Variants in ATP10B observed in about 807,000 individuals in gnomAD.
ATP10B encodes ATPase phospholipid transporting 10B (putative), also known as phospholipid-transporting ATPase VB.
Under a neutral mutation model 141.2 loss-of-function variants are expected in ATP10B, and 122 were observed. That is an observed-to-expected ratio of 0.86 (90% CI 0.75 to 1.00). The LOEUF is 1.00. ATP10B is among the 50% of genes least tolerant of loss of function. The pLI, the probability that ATP10B is intolerant of heterozygous loss-of-function variation, is 0.00. For missense variants in ATP10B, 1,876 were observed against 1,825.3 expected, an observed-to-expected ratio of 1.03 and a Z score of -0.51; for synonymous variants, 685 against 692.0, an observed-to-expected ratio of 0.99 and a Z score of 0.16.
At chr5:160,785,517 G>T (rs1014800662) in intron 2 of ATP10B, 42 bp downstream of exon 2, 1 of 472,134 alleles carries the variant, frequency 2.1e-6, no homozygotes, top group Non-Finnish European at 4.1e-6. Context: ...GCTGAGGTTT[G>T]GGCTTCTAAT....
intron 2 of ATP10B, among the ~76,000 whole-genome samples, chr5:160,744,100 G>A (rs1400264939): frequency 6.6e-6 from 1 of 152,028 alleles, no homozygotes; most frequent in Non-Finnish European, 1.5e-5. Flanking sequence ...GCTCAAGAGA[G>A]GTTTAATTTA....
chr5:160,641,379 C>T (rs1759852278), intron 9 of ATP10B, among the ~76,000 whole-genome samples: 1 of 152,190 alleles, frequency 6.6e-6, no homozygotes, highest in Non-Finnish European at 1.5e-5. Context: ...GTCCCCACCC[C>T]AGCACTAACC....
chr5:160,882,447 A>C, the ATP10B span, among the ~76,000 whole-genome samples: 1 of 152,084 alleles, frequency 6.6e-6, no homozygotes, highest in African/African-American at 2.4e-5. Context: ...TTAAATTTAA[A>C]AATTTTATTT....
At chr5:160,744,890 T>C (rs1698360915) in intron 2 of ATP10B, among the ~76,000 whole-genome samples, 1 of 152,228 alleles carries the variant, frequency 6.6e-6, no homozygotes, top group South Asian at 2.1e-4. Context: ...TGGAATCAGC[T>C]GTTTCTCATG....
At chr5:160,925,858 C>A in the ATP10B span, among the ~76,000 whole-genome samples, 27 of 152,098 alleles carry the variant, frequency 1.8e-4, no homozygotes, top group African/African-American at 6.5e-4. Context: ...GTAAACAAGA[C>A]AAGTGGACAA....
At chr5:160,784,384 T>A (rs1770979667) in intron 2 of ATP10B, among the ~76,000 whole-genome samples, 2 of 152,216 alleles carry the variant, frequency 1.3e-5, no homozygotes, top group African/African-American at 2.4e-5. Flanking sequence ...TCTAAAAAAC[T>A]AATTTTTAGC....
At chr5:160,715,866 A>G (rs1333316589) in intron 3 of ATP10B, among the ~76,000 whole-genome samples, 2 of 151,904 alleles carry the variant, frequency 1.3e-5, no homozygotes, top group Non-Finnish European at 2.9e-5. Flanking sequence ...GCCTACCACT[A>G]CGCCTGGCTA....
chr5:160,739,063 A>G (rs527477981), intron 2 of ATP10B, among the ~76,000 whole-genome samples: 79 of 152,346 alleles, frequency 5.2e-4, no homozygotes, highest in African/African-American at 1.9e-3. Flanking sequence ...TTAACTCATC[A>G]TATTAATAAC....
intron 1 of ATP10B, among the ~76,000 whole-genome samples, chr5:160,828,830 G>T (rs1279983767): frequency 2.0e-5 from 3 of 151,026 alleles, no homozygotes; most frequent in East Asian, 3.9e-4. Flanking sequence ...ATGATAGACT[G>T]GATTAAGAAA....
chr5:160,791,686 A>G (rs1771583943), intron 1 of ATP10B, among the ~76,000 whole-genome samples: 1 of 152,206 alleles, frequency 6.6e-6, no homozygotes, highest in Non-Finnish European at 1.5e-5. Context: ...CTGTTGCCTT[A>G]GGAATACTTC....
chr5:160,808,567 C>T (rs1309798036), intron 1 of ATP10B, among the ~76,000 whole-genome samples: 2 of 152,146 alleles, frequency 1.3e-5, no homozygotes. Context: ...TTTAAATAAA[C>T]CTTTCCCTAC....
intron 1 of ATP10B, among the ~76,000 whole-genome samples, chr5:160,794,223 A>G (rs1452652273): frequency 1.3e-5 from 2 of 152,150 alleles, no homozygotes; most frequent in African/African-American, 4.8e-5. Flanking sequence ...GCTTGTAAGG[A>G]TCAGGGGAGC....
At chr5:160,878,138 C>T in the ATP10B span, among the ~76,000 whole-genome samples, 1 of 150,040 alleles carries the variant, frequency 6.7e-6, no homozygotes. Flanking sequence ...AACTATACTA[C>T]AAGGCTACAG....
chr5:160,685,857 C>T (rs1763717622), intron 6 of ATP10B, among the ~76,000 whole-genome samples: 1 of 151,988 alleles, frequency 6.6e-6, no homozygotes. Flanking sequence ...CGGATTTTAC[C>T]CACTAGATGT....
In ATP10B at chr5:160,785,776, C is replaced by T. The variant is rs994691740; in HGVS notation, c.-548G>A. 2.6e-5 allele frequency: 24 copies of T among 917,998 alleles called. No homozygotes were observed. The highest frequency in any genetic ancestry group is 1.2e-4 in the South Asian group (7 of 59,352). The allele number at this position is 917,998 out of a possible 1,614,324, so 56.9% of individuals were successfully genotyped here. A position where few individuals can be genotyped will look rare whatever the true frequency, so the allele number is the denominator to read the frequency against. On this transcript the variant is annotated 5_prime_UTR_variant, in exon 2 of 26. Coordinates refer to ENST00000327245, the MANE Select transcript of ATP10B (RefSeq NM_025153.3). ...TTTCATTGAAACAAATGTCACCAGTCGGTTCTGATTCTCTTGTCAAAGGAA... is the reference window on the plus strand; with the variant it reads ...TTTCATTGAAACAAATGTCACCAGTTGGTTCTGATTCTCTTGTCAAAGGAA...
intron 1 of ATP10B, among the ~76,000 whole-genome samples, chr5:160,827,618 G>T (rs933157742): frequency 6.6e-6 from 1 of 151,976 alleles, no homozygotes; most frequent in African/African-American, 2.4e-5. Flanking sequence ...TGTTGCAATG[G>T]CTTTTGGGGA....
Position 160,640,451 on chromosome 5 carries a change from C to T in ATP10B, c.1000+10G>A, listed in dbSNP as rs1273625465. ...TACTGTGTCCTTGTTCTTTCCAGAACATCCCATACCTACAGCTCCAATAAG... is the reference window on the plus strand; with the variant it reads ...TACTGTGTCCTTGTTCTTTCCAGAATATCCCATACCTACAGCTCCAATAAG... On this transcript the variant is annotated intron_variant, in intron 10 of 25. Coordinates refer to ENST00000327245, the MANE Select transcript of ATP10B (RefSeq NM_025153.3). The T allele has an allele frequency of 6.2e-7, 1 of 1,613,114 alleles. No homozygotes were observed. The highest frequency in any genetic ancestry group is 8.5e-7 in the Non-Finnish European group (1 of 1,179,500).
At chr5:160,825,257 C>T (rs1293987749) in intron 1 of ATP10B, among the ~76,000 whole-genome samples, 1 of 152,146 alleles carries the variant, frequency 6.6e-6, no homozygotes, top group African/African-American at 2.4e-5. Context: ...TGTGTGTCCA[C>T]CCAAATCTCA....
upstream of ATP10B, among the ~76,000 whole-genome samples, chr5:160,855,818 A>G (rs1287460960): frequency 4.0e-5 from 6 of 151,720 alleles, no homozygotes; most frequent in African/African-American, 1.2e-4. Flanking sequence ...TGGATTTTCA[A>G]TTGTACTAGA....
Sources: allele counts gnomAD v4.1 joint callset (sites outside exome capture counted in the v4.1 genomes callset), GRCh38; gene constraint gnomAD v4.1.1; transcripts MANE v1.5; gene names NCBI Gene and HGNC (gene_info 2026-07-23, HGNC 2026-07-21).